Variants in EHD3 observed in about 807,000 individuals in gnomAD.
EHD3 encodes EH domain containing 3.
A neutral mutation model predicts 43.0 loss-of-function variants in EHD3; 17 were observed. The ratio of observed to expected loss-of-function variants is 0.40; its 90% CI spans 0.27 to 0.59. The LOEUF is 0.59. Ranked by LOEUF, EHD3 falls within the 20% of genes least tolerant of loss-of-function variation. EHD3 has a pLI of 0.49. For synonymous variants in EHD3, 313 were observed against 289.5 expected, an observed-to-expected ratio of 1.08 and a Z score of -0.82; for missense variants, 594 against 705.6, an observed-to-expected ratio of 0.84 and a Z score of 1.79.
chr2:31,241,796 C>A (rs1683429694), intron 1 of EHD3, among the ~76,000 whole-genome samples: 1 of 152,218 alleles, frequency 6.6e-6, no homozygotes, highest in South Asian at 2.1e-4. Flanking sequence ...CAGCTTCTCC[C>A]AGGAGGCCCT....
chr2:31,260,600 A>T lies in EHD3; in HGVS notation c.593A>T (p.Asp198Val), dbSNP rs375784165. The T allele has an allele frequency of 1.9e-6, 3 of 1,614,062 alleles. No individual in the cohort carries two copies. The highest frequency in any genetic ancestry group is 2.5e-6 in the Non-Finnish European group (3 of 1,180,040). Residue 198 changes from aspartate (D) to valine (V), a missense_variant, in exon 4 of 6, where the codon GAT (aspartate) becomes GTT (valine). Asp to Val is a radical substitution (Grantham distance 152, BLOSUM62 -3). Around this residue, in one of 3 missense-constraint regions of EHD3, gnomAD observed 243 missense variants for 296.7 expected, o/e 0.82. Transcript: ENST00000322054. The surrounding 1 kb of genome is among the most constrained non-coding windows in gnomAD (Gnocchi z 4.6). Reference protein sequence around the residue: ...LFDAHKLDISDEFSEVIKALK... With the variant: ...LFDAHKLDISVEFSEVIKALK... ...GATGCCCACAAACTGGACATCTCTG[A>T]TGAGTTCTCAGAAGTCATCAAAGCC...
intron 3 of EHD3, among the ~76,000 whole-genome samples, chr2:31,253,982 C>T (rs564257474): frequency 1.2e-4 from 18 of 152,126 alleles, no homozygotes; most frequent in Non-Finnish European, 2.1e-4. Flanking sequence ...GGCTGCTTCC[C>T]AGCTAGAAAT....
chr2:31,235,061 G>T (rs1683298494), intron 1 of EHD3, among the ~76,000 whole-genome samples: 1 of 152,058 alleles, frequency 6.6e-6, no homozygotes, highest in African/African-American at 2.4e-5. Flanking sequence ...CACTCTACTT[G>T]GCCCTTGGCT....
At position 31,266,024 on chromosome 2, in the gene EHD3, G is replaced by A. The variant is rs548425776; in HGVS notation, c.1081-153G>A. ...CCTCTCTCATACCTTCGATTACCAC[G>A]TGATGTCCATCAGCTGAGCCTCTAG... On this transcript the variant is annotated intron_variant, in intron 5 of 5. Transcript: ENST00000322054. This position sits in a 1 kb window ranked among gnomAD's most constrained non-coding sequence, Gnocchi z 5.1. Among the ~76,000 whole-genome samples, 21 of 152,032 alleles carry A rather than the reference G, an allele frequency of 1.4e-4. No individual in the cohort carries two copies. The highest frequency in any genetic ancestry group is 2.2e-4 in the Non-Finnish European group (15 of 68,006).
chr2:31,245,920 A>G (rs1191020632), intron 2 of EHD3, among the ~76,000 whole-genome samples: 12 of 151,806 alleles, frequency 7.9e-5, no homozygotes, highest in Non-Finnish European at 1.8e-4. Context: ...CTTGTCTCTG[A>G]CCTTTCTTGT....
intron 5 of EHD3, among the ~76,000 whole-genome samples, chr2:31,264,532 A>ATTTT (rs1558653199): frequency 9.2e-5 from 8 of 86,656 alleles, no homozygotes; most frequent in East Asian, 4.0e-4. Flanking sequence ...TACTTTACAG[A>ATTTT]CTTTTTTTTT....
At chr2:31,239,842 G>GA (rs1231823354) in intron 1 of EHD3, among the ~76,000 whole-genome samples, 3 of 52,356 alleles carry the variant, frequency 5.7e-5, no homozygotes, top group African/African-American at 4.0e-4. Flanking sequence ...CCTCTCTCGA[G>GA]CTGACTCTAA....
intron 1 of EHD3, 38 bp downstream of exon 1, chr2:31,234,886 C>G: frequency 6.3e-7 from 1 of 1,599,402 alleles, no homozygotes; most frequent in Non-Finnish European, 8.6e-7. Context: ...CACCCCGGAG[C>G]CCAGCGCCTA....
At position 31,260,525 on chromosome 2, in the gene EHD3, C is replaced by T; in HGVS notation, c.518C>T (p.Ala173Val). 6.2e-7 allele frequency: 1 copy of T among 1,604,050 alleles called. No individual in the cohort carries two copies. The highest frequency in any genetic ancestry group is 8.5e-7 in the Non-Finnish European group (1 of 1,172,934). The change falls in exon 4 of 6, where the codon GCT (alanine) becomes GTT (valine). Residue 173 changes from alanine (A) to valine (V), a missense_variant. Physicochemically the swap from Ala to Val is moderately conservative, Grantham distance 64 (BLOSUM62 0). Transcript: ENST00000322054. This position sits in a 1 kb window ranked among gnomAD's most constrained non-coding sequence, Gnocchi z 4.6. ...CTGCCGGCAGGGTATGACTTTGCAG[C>T]TGTCCTTGAGTGGTTTGCCGAGCGG... ...QRISRGYDFAAVLEWFAERVD... is the reference protein window; with the variant it reads ...QRISRGYDFAVVLEWFAERVD...
intron 1 of EHD3, 30 bp from the exon 2 acceptor site, chr2:31,244,244 C>T: frequency 3.1e-6 from 5 of 1,591,150 alleles, no homozygotes; most frequent in Non-Finnish European, 4.3e-6. Context: ...CGCAGAACGC[C>T]TGCATTAGGA....
chr2:31,264,533 C>CTTTTTT lies in EHD3; in HGVS notation c.1081-1629_1081-1624dup, dbSNP rs35446028. ...TAAATTAACATTTCTACTTTACAGA[C>CTTTTTT]TTTTTTTTTTTTTTTTTTTTGATAC... On this transcript the variant is annotated intron_variant, in intron 5 of 5. Coordinates refer to ENST00000322054, the MANE Select transcript of EHD3 (RefSeq NM_014600.3). Among the ~76,000 whole-genome samples the CTTTTTT allele has an allele frequency of 3.6e-3, 407 of 114,144 alleles. 21 individuals are homozygous for CTTTTTT. The highest frequency in any genetic ancestry group is 0.013 in the African/African-American group (375 of 28,512). 74.9% of individuals were successfully genotyped at this position (114,144 alleles called of 152,430 possible). A position where few individuals can be genotyped will look rare whatever the true frequency, so the allele number is the denominator to read the frequency against.
At chr2:31,261,468 G>A (rs654650) in intron 4 of EHD3, 81 bp from the exon 5 acceptor site, 1,229,275 of 1,516,826 alleles carry the variant, frequency 0.81, 500,221 homozygotes, top group East Asian at 0.95. Flanking sequence ...GTAGGGGAAG[G>A]AATGATGCAA....
At position 31,267,610 on chromosome 2, in the gene EHD3, G is replaced by C. The variant is rs1377190683; in HGVS notation, c.*906G>C. ...TTAGCCTTCCCATTTTGCAGTTGAG[G>C]AGGCTGAGTAGCCTCAGAAGGGTTT... is the stretch of plus-strand genomic sequence containing the variant. On this transcript the variant is annotated 3_prime_UTR_variant, in exon 6 of 6. Coordinates refer to ENST00000322054, the MANE Select transcript of EHD3 (RefSeq NM_014600.3). 6.6e-6 allele frequency: 1 copy of C among 152,604 alleles called. No individual in the cohort carries two copies. The highest frequency in any genetic ancestry group is 1.5e-5 in the Non-Finnish European group (1 of 68,048). The allele number at this position is 152,604 out of a possible 1,614,324, so 9.5% of individuals were successfully genotyped here.
At chr2:31,244,501 G>T in intron 2 of EHD3, 51 bp downstream of exon 2, 1 of 1,578,504 alleles carries the variant, frequency 6.3e-7, no homozygotes, top group South Asian at 1.2e-5. Flanking sequence ...TTCTTCTTGG[G>T]GTATGGGGAG....
At chr2:31,237,309 T>C (rs1205542317) in intron 1 of EHD3, among the ~76,000 whole-genome samples, 1 of 151,610 alleles carries the variant, frequency 6.6e-6, no homozygotes, top group Non-Finnish European at 1.5e-5. Context: ...ATATAAAGCA[T>C]ATAATTTATA....
At chr2:31,254,368 G>C (rs1400037302) in intron 3 of EHD3, among the ~76,000 whole-genome samples, 1 of 152,144 alleles carries the variant, frequency 6.6e-6, no homozygotes, top group Non-Finnish European at 1.5e-5. Flanking sequence ...GCACTTAAAG[G>C]CCTCTGGGTC....
chr2:31,252,942 G>T (rs576259202), intron 3 of EHD3, among the ~76,000 whole-genome samples: 1 of 152,340 alleles, frequency 6.6e-6, no homozygotes, highest in Admixed American at 6.5e-5. Context: ...GGCGCCTGGG[G>T]CGGTGCTGAC....
chr2:31,243,460 C>CTTTTTTTTTTTTTTTTTTTTTT (rs1309146980), intron 1 of EHD3, among the ~76,000 whole-genome samples: 2 of 98,466 alleles, frequency 2.0e-5, no homozygotes, highest in Admixed American at 1.2e-4. Context: ...TTCTTTCTTT[C>CTTTTTTTTTTTTTTTTTTTTTT]TTTTTTTTTT....
At chr2:31,264,822 C>T (rs567464568) in intron 5 of EHD3, among the ~76,000 whole-genome samples, 1 of 152,164 alleles carries the variant, frequency 6.6e-6, no homozygotes, top group Admixed American at 6.5e-5. Flanking sequence ...CATGAGCCAC[C>T]GCGCCTAGCC....
Sources: allele counts gnomAD v4.1 joint callset (sites outside exome capture counted in the v4.1 genomes callset), GRCh38; gene constraint gnomAD v4.1.1; regional missense constraint gnomAD v4.1.1; non-coding constraint Gnocchi (gnomAD v3.1); transcripts MANE v1.5; gene names NCBI Gene and HGNC (gene_info 2026-07-23, HGNC 2026-07-21).